Variants in ADAMTS17 observed in about 807,000 individuals in gnomAD.
ADAMTS17 encodes A disintegrin and metalloproteinase with thrombospondin motifs 17.
ADAMTS17 carries 113 observed loss-of-function variants against 141.5 expected under a neutral mutation model. The ratio of observed to expected loss-of-function variants is 0.80; its 90% CI spans 0.69 to 0.93. The LOEUF is 0.93. Ranked by LOEUF, ADAMTS17 falls within the 40% of genes least tolerant of loss-of-function variation. ADAMTS17 has a pLI of 0.00. For synonymous variants in ADAMTS17, 768 were observed against 630.6 expected (o/e 1.22, Z -3.27); for missense variants, 1,659 against 1,517.9 (o/e 1.09, Z -1.54).
intron 10 of ADAMTS17, among the ~76,000 whole-genome samples, chr15:100,145,243 G>C (rs898471940): frequency 6.6e-6 from 1 of 152,142 alleles, no homozygotes; most frequent in African/African-American, 2.4e-5. Flanking sequence ...TCTTAGCAAC[G>C]GTCTTTGGGG....
Position 100,048,966 on chromosome 15 carries a change from T to C in ADAMTS17, c.2482A>G (p.Thr828Ala), listed in dbSNP as rs2031927842. 2 of 1,614,176 alleles carry C rather than the reference T, an allele frequency of 1.2e-6. No homozygotes were observed. The highest frequency in any genetic ancestry group is 1.7e-6 in the Non-Finnish European group (2 of 1,180,032). ...GGERRTIVSCTRIVNKTTTLV... is the reference protein window; with the variant it reads ...GGERRTIVSCARIVNKTTTLV... The stretch of plus-strand genomic sequence containing the variant: ...GTTGTGGTCTTGTTGACAATCCGTG[T>C]ACACGAGACGATGGTTCTGCGCTCC... Residue 828 changes from threonine (T) to alanine (A), a missense_variant, in exon 18 of 22, where the codon ACA (threonine) becomes GCA (alanine). Thr to Ala is a moderately conservative substitution (Grantham distance 58). Transcript: ENST00000268070.
intron 2 of ADAMTS17, among the ~76,000 whole-genome samples, chr15:100,339,584 TCCACATTCCCC>T (rs2046303646): frequency 1.3e-5 from 1 of 75,192 alleles, no homozygotes; most frequent in Non-Finnish European, 2.7e-5. Flanking sequence ...CCGCCCCAGG[TCCACATTCCCC>T]GCCCCAGGTC....
chr15:100,018,491 G>C (rs906138330), intron 18 of ADAMTS17, among the ~76,000 whole-genome samples: 2 of 152,188 alleles, frequency 1.3e-5, no homozygotes, highest in Non-Finnish European at 2.9e-5. Flanking sequence ...ATGATACTGA[G>C]TAAGTTCTCA....
intron 8 of ADAMTS17, among the ~76,000 whole-genome samples, chr15:100,177,282 A>G (rs2040371147): frequency 6.6e-6 from 1 of 152,258 alleles, no homozygotes; most frequent in African/African-American, 2.4e-5. Flanking sequence ...GTAAGCACTT[A>G]ACAGCTATAC....
At chr15:100,158,730 G>C (rs1051619724) in intron 8 of ADAMTS17, among the ~76,000 whole-genome samples, 6 of 152,048 alleles carry the variant, frequency 3.9e-5, no homozygotes, top group African/African-American at 1.5e-4. Flanking sequence ...ATAAAGTAAC[G>C]GATTAAGTTT....
intron 2 of ADAMTS17, among the ~76,000 whole-genome samples, chr15:100,339,834 C>G (rs1001999247): frequency 6.6e-6 from 1 of 152,304 alleles, no homozygotes; most frequent in Admixed American, 6.5e-5. Context: ...CCAGACTGAT[C>G]TAGGAAACTA....
chr15:100,273,721 TAGC>T (rs1215224920), intron 4 of ADAMTS17, among the ~76,000 whole-genome samples: 4 of 152,218 alleles, frequency 2.6e-5, no homozygotes, highest in Non-Finnish European at 5.9e-5. Context: ...AATTCAAAGC[TAGC>T]AGAAGGAATA....
intron 9 of ADAMTS17, 149 bp from the exon 10 acceptor site, chr15:100,152,911 G>A: frequency 3.0e-6 from 3 of 995,618 alleles, no homozygotes; most frequent in Non-Finnish European, 4.4e-6. Context: ...TGGACACACA[G>A]ACTGCGCTTT....
intron 15 of ADAMTS17, among the ~76,000 whole-genome samples, chr15:100,081,553 T>G (rs1182884876): frequency 1.3e-5 from 2 of 152,192 alleles, no homozygotes; most frequent in Non-Finnish European, 2.9e-5. Context: ...AAACAATACT[T>G]CTATGAATGG....
intron 7 of ADAMTS17, among the ~76,000 whole-genome samples, chr15:100,244,227 T>C (rs1442055542): frequency 1.3e-5 from 2 of 151,542 alleles, no homozygotes; most frequent in African/African-American, 2.4e-5. Context: ...CATAATTCAA[T>C]TACCTCCCAC....
intron 18 of ADAMTS17, among the ~76,000 whole-genome samples, chr15:100,046,629 A>G (rs1392063895): frequency 2.0e-5 from 3 of 152,238 alleles, no homozygotes; most frequent in Non-Finnish European, 2.9e-5. Flanking sequence ...AAATACTTTT[A>G]TAATTTCTTA....
chr15:100,108,647 A>G (rs544754389), intron 14 of ADAMTS17, among the ~76,000 whole-genome samples: 75 of 152,184 alleles, frequency 4.9e-4, no homozygotes, highest in Non-Finnish European at 9.3e-4. Context: ...TCTCTTCTGC[A>G]CTAAATGGGG....
At chr15:100,153,448 C>G (rs1237981689) in intron 9 of ADAMTS17, among the ~76,000 whole-genome samples, 1 of 152,030 alleles carries the variant, frequency 6.6e-6, no homozygotes, top group African/African-American at 2.4e-5. Context: ...CAAGACCAGT[C>G]TGGCCAACAT....
intron 7 of ADAMTS17, among the ~76,000 whole-genome samples, chr15:100,228,543 G>T (rs918749261): frequency 6.6e-6 from 1 of 152,166 alleles, no homozygotes; most frequent in Non-Finnish European, 1.5e-5. Flanking sequence ...AGGAAAACTC[G>T]AGGGTGAGAG....
intron 10 of ADAMTS17, among the ~76,000 whole-genome samples, chr15:100,151,397 C>G (rs935016671): frequency 6.6e-6 from 1 of 152,198 alleles, no homozygotes; most frequent in Non-Finnish European, 1.5e-5. Flanking sequence ...TATACTCAGA[C>G]AGGAAGCACT....
Position 100,323,269 on chromosome 15 carries a change from C to A in ADAMTS17, c.616+7620G>T, listed in dbSNP as rs181545551. ...ACATGCAAGCATTATCACCCTTTTA[C>A]AAATAAAGAAATTGAGACACTTTAA... On this transcript the variant is annotated intron_variant, in intron 3 of 21. Transcript: ENST00000268070. Among the ~76,000 whole-genome samples, 29 of 152,122 alleles carry A rather than the reference C, an allele frequency of 1.9e-4. No individual in the cohort carries two copies. In the East Asian group the frequency reaches 4.3e-3, roughly 22 times the overall value.
At chr15:100,305,693 G>A (rs181777362) in intron 3 of ADAMTS17, among the ~76,000 whole-genome samples, 1 of 152,108 alleles carries the variant, frequency 6.6e-6, no homozygotes. Flanking sequence ...TTATCGTGAG[G>A]GTGGTTTTAC....
At chr15:100,191,673 C>G (rs1274559206) in intron 8 of ADAMTS17, among the ~76,000 whole-genome samples, 1 of 152,256 alleles carries the variant, frequency 6.6e-6, no homozygotes, top group African/African-American at 2.4e-5. Flanking sequence ...TTAGACAGAG[C>G]CCACAGTCAC....
At chr15:100,067,793 G>C (rs1027678498) in intron 15 of ADAMTS17, among the ~76,000 whole-genome samples, 4 of 152,164 alleles carry the variant, frequency 2.6e-5, no homozygotes, top group Admixed American at 6.5e-5. Flanking sequence ...TGGCCGAATA[G>C]GAACAGCTCC....
Sources: gnomAD v4.1 joint callset for allele counts (sites outside exome capture counted in the v4.1 genomes callset) on GRCh38, gnomAD v4.1.1 for gene constraint, MANE v1.5 for transcripts, NCBI Gene and HGNC (gene_info 2026-07-23, HGNC 2026-07-21) for gene names.